The following SPAG16 variants were observed in gnomAD, a reference collection of about 807,000 sequenced individuals.
SPAG16 encodes sperm-associated antigen 16 protein.
In SPAG16, 86 loss-of-function variants were observed where a neutral mutation model predicts 80.4. The ratio of observed to expected loss-of-function variants is 1.07; its 90% CI spans 0.90 to 1.28. The LOEUF is 1.28. Ranked by LOEUF, SPAG16 falls within the 50% of genes most tolerant of loss-of-function variation. The pLI, the probability that SPAG16 is intolerant of heterozygous loss-of-function variation, is 0.00. For missense variants in SPAG16, 870 were observed against 765.3 expected, an observed-to-expected ratio of 1.14 and a Z score of -1.61; for synonymous variants, 294 against 265.9, an observed-to-expected ratio of 1.11 and a Z score of -1.03.
At chr2:213,720,600 T>G (rs1400745643) in intron 10 of SPAG16, among the ~76,000 whole-genome samples, 1 of 150,510 alleles carries the variant, frequency 6.6e-6, no homozygotes, top group African/African-American at 2.4e-5. Flanking sequence ...ATCGCGCCAC[T>G]GCACTCCAGC....
intron 8 of SPAG16, among the ~76,000 whole-genome samples, chr2:213,372,214 G>A (rs755186351): frequency 1.3e-5 from 2 of 151,852 alleles, no homozygotes; most frequent in Non-Finnish European, 2.9e-5. Flanking sequence ...GTTTGCTAAG[G>A]TTGCAATTTC....
chr2:213,836,017 G>A (rs2074051224), intron 10 of SPAG16, among the ~76,000 whole-genome samples: 1 of 152,070 alleles, frequency 6.6e-6, no homozygotes, highest in African/African-American at 2.4e-5. Flanking sequence ...TTCTTTATAT[G>A]AGACAAATTC....
rs934624524 is a variant in SPAG16, at chr2:213,851,754, G to C, written c.1071-10731G>C. ...ATAAGGTTGGAAGAACATTGAACAA[G>C]AAAAGAAAACTGAAGCTTTAGCTTT... is the stretch of plus-strand genomic sequence containing the variant. On this transcript the variant is annotated intron_variant, in intron 10 of 15. Coordinates refer to ENST00000331683, the MANE Select transcript of SPAG16 (RefSeq NM_024532.5). 7.2e-5 allele frequency among the ~76,000 whole-genome samples: 11 copies of C among 152,264 alleles called. No individual in the cohort carries two copies. In the South Asian group the frequency reaches 1.0e-3, roughly 14 times the overall value.
chr2:214,324,125 C>A (rs1297577386), intron 15 of SPAG16, among the ~76,000 whole-genome samples: 1 of 152,088 alleles, frequency 6.6e-6, no homozygotes, highest in Non-Finnish European at 1.5e-5. Flanking sequence ...AGGACTTTGC[C>A]TCTAGAATCA....
intron 10 of SPAG16, among the ~76,000 whole-genome samples, chr2:213,702,670 C>T (rs1400694449): frequency 6.6e-6 from 1 of 152,184 alleles, no homozygotes; most frequent in African/African-American, 2.4e-5. Context: ...TATCCGTAAT[C>T]TATGACACAT....
At chr2:214,067,016 C>T (rs2050562719) in intron 13 of SPAG16, among the ~76,000 whole-genome samples, 1 of 152,110 alleles carries the variant, frequency 6.6e-6, no homozygotes, top group Admixed American at 6.6e-5. Flanking sequence ...GATTGCACAC[C>T]AGGAGCGCTG....
intron 10 of SPAG16, among the ~76,000 whole-genome samples, chr2:213,748,142 C>T (rs1315064608): frequency 6.6e-6 from 1 of 151,956 alleles, no homozygotes; most frequent in Non-Finnish European, 1.5e-5. Context: ...TTTCAGGTTA[C>T]AAAAAATAGA....
chr2:213,745,925 G>A (rs1345965500), intron 10 of SPAG16, among the ~76,000 whole-genome samples: 1 of 152,138 alleles, frequency 6.6e-6, no homozygotes, highest in Non-Finnish European at 1.5e-5. Flanking sequence ...CTTAAGAAAG[G>A]TGGTAGGTTT....
chr2:213,751,168 T>C (rs1003705919), intron 10 of SPAG16, among the ~76,000 whole-genome samples: 8 of 152,162 alleles, frequency 5.3e-5, no homozygotes, highest in African/African-American at 1.9e-4. Flanking sequence ...AATGTACTTA[T>C]ATGGTAAATG....
intron 11 of SPAG16, among the ~76,000 whole-genome samples, chr2:213,905,625 T>A (rs12478513): frequency 0.58 from 88,913 of 152,048 alleles, 27,825 homozygotes; most frequent in South Asian, 0.84. Flanking sequence ...GCAGCAAATT[T>A]AAAAATTTCC....
At position 213,297,360 on chromosome 2, in the gene SPAG16, G is replaced by C; in HGVS notation, c.279+3G>C. 1.9e-6 allele frequency: 3 copies of C among 1,593,866 alleles called. No individual in the cohort carries two copies. The highest frequency in any genetic ancestry group is 2.6e-6 in the Non-Finnish European group (3 of 1,165,918). Reference sequence around the variant, plus strand: ...AGGCTACAGATACTGAAATTTTGGTGAGAATTTGAACACTAGTGTAGTCTA... The same window carrying C: ...AGGCTACAGATACTGAAATTTTGGTCAGAATTTGAACACTAGTGTAGTCTA... On this transcript the variant is annotated splice_donor_region_variant and intron_variant, in intron 3 of 15. Transcript: ENST00000331683.
intron 12 of SPAG16, among the ~76,000 whole-genome samples, chr2:213,938,194 C>T (rs1199366250): frequency 2.6e-5 from 4 of 151,896 alleles, no homozygotes; most frequent in African/African-American, 7.2e-5. Context: ...ATATGCAACA[C>T]CTTTTCTCCA....
chr2:213,485,191 A>C (rs1440339201), intron 9 of SPAG16, among the ~76,000 whole-genome samples: 2 of 151,824 alleles, frequency 1.3e-5, no homozygotes, highest in African/African-American at 4.8e-5. Flanking sequence ...GATGGGTTTC[A>C]CTACATTGCC....
intron 6 of SPAG16, among the ~76,000 whole-genome samples, chr2:213,346,252 A>C (rs1011253638): frequency 2.0e-5 from 3 of 152,192 alleles, no homozygotes; most frequent in Non-Finnish European, 4.4e-5. Context: ...ACCTTGCTGA[A>C]GTTGCCTATC....
At chr2:213,732,881 G>A (rs1372097864) in intron 10 of SPAG16, among the ~76,000 whole-genome samples, 1 of 152,136 alleles carries the variant, frequency 6.6e-6, no homozygotes, top group African/African-American at 2.4e-5. Flanking sequence ...CTATTTTTGT[G>A]TGTATATACC....
Position 213,350,545 on chromosome 2 carries a change from C to A in SPAG16, c.662C>A (p.Ala221Glu). The A allele has an allele frequency of 6.4e-7, 1 of 1,565,116 alleles. No individual in the cohort carries two copies. The highest frequency in any genetic ancestry group is 8.6e-7 in the Non-Finnish European group (1 of 1,159,944). Residue 221 changes from alanine (A) to glutamate (E), a missense_variant, in exon 7 of 16, where the codon GCA becomes GAA. By Grantham distance (107) the Ala-to-Glu change is moderately radical. Coordinates refer to ENST00000331683, the MANE Select transcript of SPAG16 (RefSeq NM_024532.5). Reference protein sequence around the residue: ...NDLKGLKLHYASYEPTIRVLH... With the variant: ...NDLKGLKLHYESYEPTIRVLH... Reference sequence around the variant, plus strand: ...TTTTATAGGTTGAAGTTACATTATGCATCTTATGAACCGACTATAAGGGTG... The same window carrying A: ...TTTTATAGGTTGAAGTTACATTATGAATCTTATGAACCGACTATAAGGGTG...
At chr2:214,270,855 T>G (rs895323213) in intron 15 of SPAG16, among the ~76,000 whole-genome samples, 7 of 152,128 alleles carry the variant, frequency 4.6e-5, no homozygotes, top group Non-Finnish European at 1.0e-4. Context: ...CATTTTTTAT[T>G]TCTTTCACAG....
intron 15 of SPAG16, among the ~76,000 whole-genome samples, chr2:214,407,432 A>T (rs1359072560): frequency 6.6e-6 from 1 of 152,118 alleles, no homozygotes; most frequent in Non-Finnish European, 1.5e-5. Flanking sequence ...TTCAGGTTTC[A>T]CGTAAGTTCT....
intron 13 of SPAG16, among the ~76,000 whole-genome samples, chr2:214,054,165 A>G (rs1170973608): frequency 2.0e-5 from 3 of 152,018 alleles, no homozygotes; most frequent in Non-Finnish European, 4.4e-5. Context: ...GCCCGCCCCC[A>G]TACCCGGCTA....
Sources: allele counts gnomAD v4.1 joint callset (sites outside exome capture counted in the v4.1 genomes callset), GRCh38; gene constraint gnomAD v4.1.1; transcripts MANE v1.5; gene names NCBI Gene and HGNC (gene_info 2026-07-23, HGNC 2026-07-21).